ZER1: variants seen among roughly 807,000 people sequenced by gnomAD.
ZER1 encodes zyg-11 related cell cycle regulator, also known as protein zer-1 homolog.
Under a neutral mutation model 78.8 loss-of-function variants are expected in ZER1, and 11 were observed. The ratio of observed to expected loss-of-function variants is 0.14; its 90% CI spans 0.09 to 0.23. The LOEUF (loss-of-function observed/expected upper bound fraction) is 0.23. Among genes scored for constraint, ZER1 ranks in the 10% least tolerant of loss-of-function variants. The pLI is 1.00. For missense variants in ZER1, 588 were observed against 996.9 expected (o/e 0.59, Z 5.52); for synonymous variants, 400 against 407.0 (o/e 0.98, Z 0.21).
In ZER1 at chr9:128,753,478, A is replaced by G. The variant is rs1368051486; in HGVS notation, c.432T>C (p.Tyr144=). The G allele has an allele frequency of 1.9e-6, 3 of 1,614,004 alleles. No homozygotes were observed. Among genetic ancestry groups the G allele is most frequent in the African/African-American group, 2.7e-5 (2 of 74,924 alleles). Residue 144 remains tyrosine, a synonymous_variant, in exon 4 of 16, where the codon TAT becomes TAC. Coordinates refer to ENST00000291900, the MANE Select transcript of ZER1 (RefSeq NM_006336.4). The surrounding 1 kb of genome is among the most constrained non-coding windows in gnomAD (Gnocchi z 7.5). ...LSLFGCTNIF[Y]EEENPGGCED... ...CACAGCCCCCTGGGTTCTCCTCCTC[A>G]TAGAAAATGTTTGTACAGCCGAAGA...
At chr9:128,772,039 G>T (rs1022984086), upstream of ZER1, 4 of 152,302 alleles carry the variant, frequency 2.6e-5, no homozygotes, top group African/African-American at 9.6e-5. Context: ...CCGGCGGGCG[G>T]CTCCTTTCCC....
At chr9:128,734,573 A>G (rs145502737) in intron 14 of ZER1, among the ~76,000 whole-genome samples, 1 of 151,738 alleles carries the variant, frequency 6.6e-6, no homozygotes, top group African/African-American at 2.4e-5. Flanking sequence ...GGCTCAAACA[A>G]TCCTCCCACC....
chr9:128,768,012 G>A (rs976005316), intron 1 of ZER1, among the ~76,000 whole-genome samples: 1 of 152,178 alleles, frequency 6.6e-6, no homozygotes, highest in African/African-American at 2.4e-5. Flanking sequence ...ACGCTGTGTT[G>A]CGCGTGTTGT....
At chr9:128,741,386 G>T in intron 11 of ZER1, 149 bp downstream of exon 11, 1 of 1,212,540 alleles carries the variant, frequency 8.2e-7, no homozygotes, top group Non-Finnish European at 1.2e-6. Context: ...AGCAAATCCT[G>T]GGTGGGTGGG....
At chr9:128,752,170 C>T (rs755055163) in intron 5 of ZER1, among the ~76,000 whole-genome samples, 3 of 152,316 alleles carry the variant, frequency 2.0e-5, no homozygotes, top group Non-Finnish European at 2.9e-5. Context: ...GATCCTCAGG[C>T]CACACCGGGG....
intron 8 of ZER1, among the ~76,000 whole-genome samples, chr9:128,743,794 A>C (rs1863388013): frequency 7.0e-6 from 1 of 142,526 alleles, no homozygotes; most frequent in Non-Finnish European, 1.5e-5. Flanking sequence ...GTGGAGGCAC[A>C]ATGTCAGCTC....
In ZER1 at chr9:128,769,562, C is replaced by T. The variant is rs746863091; in HGVS notation, c.-95+2019G>A. On this transcript the variant is annotated intron_variant, in intron 1 of 15. Transcript: ENST00000291900. ...TCCAGTAGCTGAGATTACAGGCATG[C>T]GTCACCACACCCGGCTAATTTTTGT... Among the ~76,000 whole-genome samples the T allele has an allele frequency of 8.0e-4, 121 of 152,014 alleles. 1 individual carries two copies. Among genetic ancestry groups the T allele is most frequent in the Admixed American group, 2.5e-3 (38 of 15,262 alleles).
In ZER1 at chr9:128,740,513, G is replaced by A. The variant is rs1378929737; in HGVS notation, c.1853+259C>T. Among the ~76,000 whole-genome samples, 3 of 151,500 alleles carry A rather than the reference G, an allele frequency of 2.0e-5. No homozygotes were observed. Among genetic ancestry groups the A allele is most frequent in the African/African-American group, 7.3e-5 (3 of 41,164 alleles). ...GAGAATGGCGTGAACCCGGGAGGCA[G>A]AGCTTGCAGTGAGCCTAGATTGTGC... On this transcript the variant is annotated intron_variant, in intron 12 of 15. Coordinates refer to ENST00000291900, the MANE Select transcript of ZER1 (RefSeq NM_006336.4). The surrounding 1 kb of genome is among the most constrained non-coding windows in gnomAD (Gnocchi z 4.4).
At chr9:128,741,956 G>C in intron 9 of ZER1, 115 bp from the exon 10 acceptor site, 2 of 1,345,338 alleles carry the variant, frequency 1.5e-6, no homozygotes, top group South Asian at 2.4e-5. Context: ...GAGTCTTGAC[G>C]AGATCAAGTC....
At chr9:128,742,345 G>C (rs1232166479) in intron 9 of ZER1, among the ~76,000 whole-genome samples, 185 bp downstream of exon 9, 1 of 152,188 alleles carries the variant, frequency 6.6e-6, no homozygotes, top group Non-Finnish European at 1.5e-5. Flanking sequence ...AATCTATGAG[G>C]GCATCAGCAA....
chr9:128,756,377 C>T (rs1033325198), intron 1 of ZER1, among the ~76,000 whole-genome samples: 1 of 152,076 alleles, frequency 6.6e-6, no homozygotes, highest in Non-Finnish European at 1.5e-5. Flanking sequence ...TGCGGTGAGC[C>T]GACACCCTGC....
rs780399285 is a variant in ZER1 at position 128,751,081 on chromosome 9, G to T, written c.1185+41C>A. The T allele has an allele frequency of 1.3e-6, 2 of 1,552,624 alleles. No homozygotes were observed. Among genetic ancestry groups the T allele is most frequent in the East Asian group, 2.3e-5 (1 of 43,964 alleles). On this transcript the variant is annotated intron_variant, in intron 7 of 15. Coordinates refer to ENST00000291900, the MANE Select transcript of ZER1 (RefSeq NM_006336.4). This position sits in a 1 kb window ranked among gnomAD's most constrained non-coding sequence, Gnocchi z 5.4. ...CAGCCAAGCCCGGCAACCTCCAGGT[G>T]GGGAGGGACAGGAGGCCAAGGCCCC... is the stretch of plus-strand genomic sequence containing the variant.
At chr9:128,766,166 T>G (rs144248945) in intron 1 of ZER1, among the ~76,000 whole-genome samples, 1 of 151,742 alleles carries the variant, frequency 6.6e-6, no homozygotes, top group Non-Finnish European at 1.5e-5. Flanking sequence ...CTGGCCAACA[T>G]GGTGAAACCC....
chr9:128,760,247 G>A (rs1863999715), intron 1 of ZER1, among the ~76,000 whole-genome samples: 1 of 151,920 alleles, frequency 6.6e-6, no homozygotes, highest in South Asian at 2.1e-4. Context: ...CTGTCACCCA[G>A]GCTGGAGTGC....
chr9:128,757,284 A>C (rs1863887590), intron 1 of ZER1, among the ~76,000 whole-genome samples: 1 of 152,132 alleles, frequency 6.6e-6, no homozygotes, highest in African/African-American at 2.4e-5. Context: ...TTTGGGAGCC[A>C]GAGGTGGGCA....
rs563594786 is a variant in ZER1, at chr9:128,751,051, C to T, written c.1185+71G>A. 95 of 1,518,564 alleles carry T rather than the reference C, an allele frequency of 6.3e-5. No individual in the cohort carries two copies. The highest frequency in any genetic ancestry group is 2.3e-4 in the South Asian group (18 of 77,980). The allele number at this position is 1,518,564 out of a possible 1,614,324, so 94.1% of individuals were successfully genotyped here. ...CAGAAGGACACAGGCTCTGGGGACA[C>T]GGCTCAGCCAAGCCCGGCAACCTCC... On this transcript the variant is annotated intron_variant, in intron 7 of 15. Transcript: ENST00000291900. The surrounding 1 kb of genome is among the most constrained non-coding windows in gnomAD (Gnocchi z 5.4).
intron 15 of ZER1, 47 bp from the exon 16 acceptor site, chr9:128,731,441 G>GGGGCC: frequency 8.5e-6 from 6 of 704,898 alleles, no homozygotes; most frequent in Non-Finnish European, 1.0e-5. Flanking sequence ...CTTGGGTGGG[G>GGGGCC]GTGAGCCCAG....
chr9:128,758,602 G>A (rs886784463), intron 1 of ZER1, among the ~76,000 whole-genome samples: 12 of 150,196 alleles, frequency 8.0e-5, no homozygotes, highest in Non-Finnish European at 1.6e-4. Context: ...TGGTTTCTTT[G>A]TTTTTTGTTT....
chr9:128,740,383 T>C lies in ZER1; in HGVS notation c.1854-264A>G, dbSNP rs1863248395. ...TCACGAGGTCCGGAGATCGAGACCATCCTGGCTAACATGGTGAAACCCCAT... is the reference window on the plus strand; with the variant it reads ...TCACGAGGTCCGGAGATCGAGACCACCCTGGCTAACATGGTGAAACCCCAT... On this transcript the variant is annotated intron_variant, in intron 12 of 15. Transcript: ENST00000291900. This position sits in a 1 kb window ranked among gnomAD's most constrained non-coding sequence, Gnocchi z 4.4. Among the ~76,000 whole-genome samples, 1 of 151,994 alleles carries C rather than the reference T, an allele frequency of 6.6e-6. No homozygotes were observed. Among genetic ancestry groups the C allele is most frequent in the Admixed American group, 6.6e-5 (1 of 15,232 alleles).
Sources: allele counts gnomAD v4.1 joint callset (sites outside exome capture counted in the v4.1 genomes callset), GRCh38; gene constraint gnomAD v4.1.1; non-coding constraint Gnocchi (gnomAD v3.1); transcripts MANE v1.5; gene names NCBI Gene and HGNC (gene_info 2026-07-23, HGNC 2026-07-21).